CECR2: variants seen among roughly 807,000 people sequenced by gnomAD.
CECR2 encodes CECR2 histone acetyl-lysine reader.
In CECR2, 30 loss-of-function variants were observed where a neutral mutation model predicts 154.5. The ratio of observed to expected loss-of-function variants is 0.19; its 90% CI spans 0.15 to 0.26. CECR2 has a LOEUF of 0.26. Among genes scored for constraint, CECR2 ranks in the 10% least tolerant of loss-of-function variants. The pLI is 1.00. For synonymous variants in CECR2, 725 were observed against 683.7 expected (o/e 1.06, Z -0.94); for missense variants, 1,743 against 1,829.3 (o/e 0.95, Z 0.86).
At chr22:17,460,110 A>G (rs1483084666) in intron 1 of CECR2, among the ~76,000 whole-genome samples, 1 of 152,178 alleles carries the variant, frequency 6.6e-6, no homozygotes, top group Non-Finnish European at 1.5e-5. Flanking sequence ...CTTCCAGCCC[A>G]GAAGGCAGTT....
intron 1 of CECR2, among the ~76,000 whole-genome samples, chr22:17,377,579 G>A (rs534804569): frequency 2.6e-5 from 4 of 152,106 alleles, no homozygotes; most frequent in African/African-American, 9.6e-5. Flanking sequence ...CACTTAGTCT[G>A]TTTCTTATAT....
At chr22:17,376,498 A>T (rs535510020) in intron 1 of CECR2, among the ~76,000 whole-genome samples, 180 of 151,828 alleles carry the variant, frequency 1.2e-3, no homozygotes, top group Non-Finnish European at 2.0e-3. Context: ...GGCTCGCACA[A>T]TGCAGTGCGC....
chr22:17,383,415 C>T (rs1490060650), intron 1 of CECR2, among the ~76,000 whole-genome samples: 1 of 152,176 alleles, frequency 6.6e-6, no homozygotes, highest in Non-Finnish European at 1.5e-5. Context: ...AACCCTGCCA[C>T]TGCTTTATCA....
intron 1 of CECR2, among the ~76,000 whole-genome samples, chr22:17,411,842 A>G (rs2054072454): frequency 6.6e-6 from 1 of 152,182 alleles, no homozygotes. Flanking sequence ...GTATCATATG[A>G]TATATATTTT....
intron 1 of CECR2, among the ~76,000 whole-genome samples, chr22:17,417,679 C>T (rs989106592): frequency 2.0e-5 from 3 of 152,038 alleles, no homozygotes; most frequent in Non-Finnish European, 1.5e-5. Flanking sequence ...AGTGCAGTAG[C>T]GTGATCTTGG....
intron 1 of CECR2, among the ~76,000 whole-genome samples, chr22:17,395,460 T>G (rs1422261345): frequency 1.3e-5 from 2 of 152,202 alleles, no homozygotes; most frequent in African/African-American, 4.8e-5. Flanking sequence ...TTCTCATGCC[T>G]TAGCCTCTCA....
At chr22:17,438,158 T>C (rs192611786) in intron 1 of CECR2, among the ~76,000 whole-genome samples, 3 of 152,356 alleles carry the variant, frequency 2.0e-5, no homozygotes, top group Admixed American at 2.0e-4. Flanking sequence ...TGTAAAGTTA[T>C]GCTTGGAAGC....
chr22:17,515,503 T>C (rs2056035290), intron 8 of CECR2, among the ~76,000 whole-genome samples: 1 of 152,256 alleles, frequency 6.6e-6, no homozygotes, highest in African/African-American at 2.4e-5. Flanking sequence ...TTTTCCTCTA[T>C]GCATTTATTG....
At position 17,541,860 on chromosome 22, in the gene CECR2, T is replaced by C. The variant is rs1176229199; in HGVS notation, c.1906T>C (p.Phe636Leu). 6.2e-7 allele frequency: 1 copy of C among 1,613,904 alleles called. No individual in the cohort carries two copies. The highest frequency in any genetic ancestry group is 8.5e-7 in the Non-Finnish European group (1 of 1,179,842). ...NQMRPAVPGT[F>L]GPLRGSDPAT... ...GCAGAGGCCAGCAGTACCAGGAACA[T>C]TTGGCCCTCTGCGAGGATCAGATCC... Residue 636 changes from phenylalanine (F) to leucine (L), a missense_variant, in exon 15 of 19, where the codon TTT becomes CTT. This residue lies in a region of CECR2 where 1,250 missense variants were observed against 1,192.1 expected (regional missense o/e 1.05). Coordinates refer to ENST00000262608, the MANE Select transcript of CECR2 (RefSeq NM_001290047.2).
chr22:17,435,704 A>C lies in CECR2; in HGVS notation c.127-41884A>C, dbSNP rs920648947. On this transcript the variant is annotated intron_variant, in intron 1 of 18. Transcript: ENST00000262608. Reference sequence around the variant, plus strand: ...ATTCTTAAAAAAAAAAAAAAAAAAAAAAAAAACAGGAGCAGGACCATCCAA... The same window carrying C: ...ATTCTTAAAAAAAAAAAAAAAAAAACAAAAAACAGGAGCAGGACCATCCAA... Among the ~76,000 whole-genome samples the C allele has an allele frequency of 6.7e-5, 10 of 149,956 alleles. No homozygotes were observed. In the South Asian group the frequency reaches 8.4e-4, roughly 13 times the overall value.
intron 2 of CECR2, among the ~76,000 whole-genome samples, chr22:17,489,882 CT>C (rs139768297): frequency 0.035 from 4,976 of 140,336 alleles, 183 homozygotes; most frequent in African/African-American, 0.096. Flanking sequence ...TTAGCTTGCT[CT>C]TTTTTTTTTT....
chr22:17,371,799 A>C (rs143268084), intron 1 of CECR2, among the ~76,000 whole-genome samples: 78 of 152,360 alleles, frequency 5.1e-4, no homozygotes, highest in African/African-American at 1.8e-3. Context: ...TTTATGTCTC[A>C]AAATCCATGT....
At chr22:17,404,899 G>T (rs917473985) in intron 1 of CECR2, among the ~76,000 whole-genome samples, 1 of 152,140 alleles carries the variant, frequency 6.6e-6, no homozygotes, top group Non-Finnish European at 1.5e-5. Context: ...CATTTAGATT[G>T]GAGTTGTATT....
At chr22:17,391,949 G>A (rs553687690) in intron 1 of CECR2, among the ~76,000 whole-genome samples, 85 of 152,076 alleles carry the variant, frequency 5.6e-4, no homozygotes, top group Non-Finnish European at 1.2e-3. Context: ...TTACAGGCAT[G>A]CGCCACCACA....
intron 16 of CECR2, among the ~76,000 whole-genome samples, chr22:17,544,467 C>T (rs1458266618): frequency 3.6e-5 from 5 of 137,996 alleles, no homozygotes; most frequent in Non-Finnish European, 6.1e-5. Context: ...CACTGCACTC[C>T]GGCCTGGGCG....
intron 1 of CECR2, among the ~76,000 whole-genome samples, chr22:17,361,806 T>C (rs2062979286): frequency 6.6e-6 from 1 of 151,536 alleles, no homozygotes; most frequent in Non-Finnish European, 1.5e-5. Flanking sequence ...TAAAGATTAG[T>C]AATGTACTAC....
intron 1 of CECR2, among the ~76,000 whole-genome samples, chr22:17,414,188 G>T (rs570341946): frequency 2.0e-5 from 3 of 151,726 alleles, no homozygotes; most frequent in Non-Finnish European, 4.4e-5. Flanking sequence ...TAGCCAGGAT[G>T]GTCTCGATCG....
chr22:17,369,099 C>A (rs2063022355), upstream of CECR2, among the ~76,000 whole-genome samples: 1 of 152,274 alleles, frequency 6.6e-6, no homozygotes, highest in African/African-American at 2.4e-5. Flanking sequence ...CTGTCTCTAG[C>A]CCGACCGAAA....
chr22:17,382,044 C>T (rs8140146), intron 1 of CECR2, among the ~76,000 whole-genome samples: 105,447 of 149,748 alleles, frequency 0.7, 36,999 homozygotes, highest in East Asian at 0.79. Flanking sequence ...CCTGCCACCA[C>T]GCCCTGCTAA....
Sources: gnomAD v4.1 joint callset for allele counts (sites outside exome capture counted in the v4.1 genomes callset) on GRCh38, gnomAD v4.1.1 for gene constraint, gnomAD v4.1.1 regional missense constraint, MANE v1.5 for transcripts, NCBI Gene and HGNC (gene_info 2026-07-23, HGNC 2026-07-21) for gene names.